Variants in TBC1D13 observed in about 807,000 individuals in gnomAD.
TBC1D13 encodes TBC1 domain family member 13.
TBC1D13 carries 40 observed loss-of-function variants against 53.6 expected under a neutral mutation model. That is an observed-to-expected ratio of 0.75 (90% CI 0.58 to 0.97). TBC1D13 has a LOEUF of 0.97. TBC1D13 is among the 50% of genes least tolerant of loss of function. The pLI, the probability that TBC1D13 is intolerant of heterozygous loss-of-function variation, is 0.00. For synonymous variants in TBC1D13, 182 were observed against 197.7 expected, an observed-to-expected ratio of 0.92 and a Z score of 0.67; for missense variants, 377 against 499.4, an observed-to-expected ratio of 0.75 and a Z score of 2.34.
At chr9:128,798,250 CAAAA>C (rs199705725) in intron 7 of TBC1D13, among the ~76,000 whole-genome samples, 3 of 140,872 alleles carry the variant, frequency 2.1e-5, no homozygotes, top group Non-Finnish European at 4.7e-5. Flanking sequence ...GAGACCCTGT[CAAAA>C]AAAAAAAGAA....
chr9:128,801,745 A>AT (rs1829737454), intron 7 of TBC1D13, among the ~76,000 whole-genome samples: 1 of 145,514 alleles, frequency 6.9e-6, no homozygotes, highest in South Asian at 2.2e-4. Context: ...CATATTTAAG[A>AT]TTTTTTTGTT....
intron 2 of TBC1D13, chr9:128,790,061 A>G (rs1488463133): frequency 6.6e-6 from 1 of 151,722 alleles, no homozygotes; most frequent in East Asian, 1.9e-4. Flanking sequence ...GTTCGAGACC[A>G]GCCTGGCCAA....
At position 128,788,421 on chromosome 9, in the gene TBC1D13, CTGTATTT is replaced by C. The variant is rs1564421834; in HGVS notation, c.97+16_97+22del. The C allele has an allele frequency of 6.2e-7, 1 of 1,612,946 alleles. No homozygotes were observed. Among genetic ancestry groups the C allele is most frequent in the Non-Finnish European group, 8.5e-7 (1 of 1,179,068 alleles). Reference sequence around the variant, plus strand: ...TCAGCTTTAGTGGTAAGAAGCCATTCTGTATTTTCACGGTTTCCCTACAGCAGCCCTG... The same window carrying C: ...TCAGCTTTAGTGGTAAGAAGCCATTCTCACGGTTTCCCTACAGCAGCCCTG... On this transcript the variant is annotated intron_variant, in intron 2 of 11. Transcript: ENST00000372648.
intron 2 of TBC1D13, chr9:128,789,839 T>C (rs1162570349): frequency 9.2e-6 from 1 of 108,718 alleles, no homozygotes; most frequent in Non-Finnish European, 1.9e-5. Flanking sequence ...ACAGATGCTA[T>C]GAAATAGTCA....
rs570079570 is a variant in TBC1D13 at position 128,808,259 on chromosome 9, C to T, written c.*380C>T. 90 of 253,842 alleles carry T rather than the reference C, an allele frequency of 3.5e-4. No homozygotes were observed. The East Asian group carries it at 5.9e-3, about 17-fold the overall frequency. 15.7% of individuals were successfully genotyped at this position (253,842 alleles called of 1,614,324 possible). On this transcript the variant is annotated 3_prime_UTR_variant, in exon 12 of 12. Transcript: ENST00000372648. ...GCTCCACTCAGGGGAGGTGCTTGGC[C>T]AATGGGCCAGAAACCGCTTCTGAGC...
At chr9:128,789,402 A>G (rs1829488936) in intron 2 of TBC1D13, among the ~76,000 whole-genome samples, 1 of 150,326 alleles carries the variant, frequency 6.7e-6, no homozygotes, top group Admixed American at 6.7e-5. Flanking sequence ...ACTCATGTTC[A>G]TGGTACCAGG....
chr9:128,787,262 C>T lies in TBC1D13; in HGVS notation c.-92C>T, dbSNP rs1416420484. On this transcript the variant is annotated 5_prime_UTR_variant, in exon 1 of 12. Transcript: ENST00000372648. ...CCCGCCGGAGGCTTTTGCGCAGAGC[C>T]CCGCGTCCCTGGGGGGCGGCGGCGG... 6 of 1,215,816 alleles carry T rather than the reference C, an allele frequency of 4.9e-6. No individual in the cohort carries two copies. The highest frequency in any genetic ancestry group is 4.2e-6 in the Non-Finnish European group (4 of 959,556). The allele number at this position is 1,215,816 out of a possible 1,614,324, so 75.3% of individuals were successfully genotyped here.
In TBC1D13 at chr9:128,806,206, C is replaced by T. The variant is rs1413031351; in HGVS notation, c.1080-48C>T. ...GGGAGGGAGGAGTGGGCAGGGCCTGCACTCAGAGCATCCCAGGTCCCAGCG... is the reference window on the plus strand; with the variant it reads ...GGGAGGGAGGAGTGGGCAGGGCCTGTACTCAGAGCATCCCAGGTCCCAGCG... On this transcript the variant is annotated intron_variant, in intron 10 of 11. Transcript: ENST00000372648. 4.3e-6 allele frequency: 7 copies of T among 1,613,132 alleles called. No individual in the cohort carries two copies. The African/African-American group carries it at 5.3e-5, about 12-fold the overall frequency.
chr9:128,790,217 A>G (rs1481296339), intron 2 of TBC1D13, among the ~76,000 whole-genome samples: 3 of 146,384 alleles, frequency 2.0e-5, no homozygotes, highest in African/African-American at 7.6e-5. Context: ...AAATCACGCC[A>G]TTGCACTCCA....
rs1360112314 is a variant in TBC1D13, at chr9:128,792,584, G to A, written c.383+10G>A. 1 of 1,613,480 alleles carries A rather than the reference G, an allele frequency of 6.2e-7. No homozygotes were observed. The highest frequency in any genetic ancestry group is 8.5e-7 in the Non-Finnish European group (1 of 1,179,590). The stretch of plus-strand genomic sequence containing the variant: ...TCGACAAAGATGTCCGGTAGGCAGG[G>A]TGCCTGGGGCCGGGAGCTGGCCCAT... On this transcript the variant is annotated intron_variant, in intron 6 of 11. Coordinates refer to ENST00000372648, the MANE Select transcript of TBC1D13 (RefSeq NM_018201.5).
rs888988632 is a variant in TBC1D13 at position 128,790,665 on chromosome 9, C to T, written c.98-70C>T. ...GCCCACTCTACTCCCCGCCAGTTGGCTCCACGGTGAAGGGCTGGGGGTTCT... is the reference window on the plus strand; with the variant it reads ...GCCCACTCTACTCCCCGCCAGTTGGTTCCACGGTGAAGGGCTGGGGGTTCT... On this transcript the variant is annotated intron_variant, in intron 2 of 11. Coordinates refer to ENST00000372648, the MANE Select transcript of TBC1D13 (RefSeq NM_018201.5). The T allele has an allele frequency of 3.4e-6, 5 of 1,452,576 alleles. No individual in the cohort carries two copies. The East Asian group carries it at 1.1e-4, about 31-fold the overall frequency. The allele number at this position is 1,452,576 out of a possible 1,614,324, so 90.0% of individuals were successfully genotyped here.
chr9:128,796,080 A>T (rs1365577079), intron 6 of TBC1D13, among the ~76,000 whole-genome samples: 1 of 152,054 alleles, frequency 6.6e-6, no homozygotes, highest in Non-Finnish European at 1.5e-5. Context: ...AAATGTTGTA[A>T]TTGTTGTTGT....
chr9:128,808,000 C>T lies in TBC1D13; in HGVS notation c.*121C>T. 2 of 908,548 alleles carry T rather than the reference C, an allele frequency of 2.2e-6. No individual in the cohort carries two copies. The highest frequency in any genetic ancestry group is 3.5e-6 in the Non-Finnish European group (2 of 568,988). The allele number at this position is 908,548 out of a possible 1,614,324, so 56.3% of individuals were successfully genotyped here. A position where few individuals can be genotyped will look rare whatever the true frequency, so the allele number is the denominator to read the frequency against. On this transcript the variant is annotated 3_prime_UTR_variant, in exon 12 of 12. Transcript: ENST00000372648. ...GGGAAGCCACAGGATCGGCCCGAGA[C>T]CCAGGCCATGCCCACTGGGGACACA... is the stretch of plus-strand genomic sequence containing the variant.
intron 6 of TBC1D13, among the ~76,000 whole-genome samples, chr9:128,793,730 C>T (rs568215075): frequency 4.6e-5 from 7 of 152,272 alleles, no homozygotes; most frequent in Non-Finnish European, 7.3e-5. Context: ...CTGGGACCCC[C>T]GGCACTTGGT....
chr9:128,788,408 G>T lies in TBC1D13; in HGVS notation c.97+1G>T. 1.2e-6 allele frequency: 2 copies of T among 1,613,694 alleles called. No individual in the cohort carries two copies. Among genetic ancestry groups the T allele is most frequent in the Non-Finnish European group, 1.7e-6 (2 of 1,179,664 alleles). ...AAGCTGCGGGAACTCAGCTTTAGTG[G>T]TAAGAAGCCATTCTGTATTTTCACG... On this transcript the variant is annotated splice_donor_variant, in intron 2 of 11. Transcript: ENST00000372648. LOFTEE classifies it high-confidence loss of function.
In TBC1D13 at chr9:128,803,304, C is replaced by G; in HGVS notation, c.598C>G (p.Leu200Val). Residue 200 changes from leucine (L) to valine (V), a missense_variant, in exon 8 of 12, where the codon CTG (leucine) becomes GTG (valine). Leu to Val is a conservative substitution (Grantham distance 32). Transcript: ENST00000372648. ...VPSSLNEYEV[L>V]PNGCEAHWEV... ...ATCATCCCTAAATGAGTATGAGGTG[C>G]TGCCCAATGGCTGTGAGGCCCACTG... 1 of 1,614,212 alleles carries G rather than the reference C, an allele frequency of 6.2e-7. No individual in the cohort carries two copies. Among genetic ancestry groups the G allele is most frequent in the Non-Finnish European group, 8.5e-7 (1 of 1,180,032 alleles).
intron 6 of TBC1D13, among the ~76,000 whole-genome samples, chr9:128,794,454 GTTTTCTGTTTTT>G (rs2132536529): frequency 1.3e-5 from 2 of 152,110 alleles, no homozygotes; most frequent in South Asian, 4.2e-4. Context: ...CTGTTTTTTT[GTTTTCTGTTTTT>G]TTTTTGTTTT....
chr9:128,804,732 T>TTG lies in TBC1D13; in HGVS notation c.918+614_918+615insGT, dbSNP rs1554795968. Among the ~76,000 whole-genome samples the TTG allele has an allele frequency of 6.3e-3, 677 of 107,054 alleles. 5 individuals are homozygous for TTG. Among genetic ancestry groups the TTG allele is most frequent in the Middle Eastern group, 0.013 (3 of 230 alleles). 70.2% of individuals were successfully genotyped at this position (107,054 alleles called of 152,430 possible). A position where few individuals can be genotyped will look rare whatever the true frequency, so the allele number is the denominator to read the frequency against. On this transcript the variant is annotated intron_variant, in intron 9 of 11. Coordinates refer to ENST00000372648, the MANE Select transcript of TBC1D13 (RefSeq NM_018201.5). ...CCCTTTTTTTTCTGTTTTTTTTTTT[T>TTG]TTTTTTTTTTTTTGAGAAGGACTCT... is the stretch of plus-strand genomic sequence containing the variant.
intron 7 of TBC1D13, among the ~76,000 whole-genome samples, chr9:128,798,586 G>A (rs1369651962): frequency 6.6e-6 from 1 of 152,176 alleles, no homozygotes; most frequent in East Asian, 1.9e-4. Context: ...GTGGGGGCAG[G>A]GATGCAGCAG....
Sources: allele counts gnomAD v4.1 joint callset (sites outside exome capture counted in the v4.1 genomes callset), GRCh38; gene constraint gnomAD v4.1.1; transcripts MANE v1.5; gene names NCBI Gene and HGNC (gene_info 2026-07-23, HGNC 2026-07-21).